Variants in DYRK1A observed in about 807,000 individuals in gnomAD.
The protein encoded by DYRK1A is dual specificity tyrosine phosphorylation regulated kinase 1A, also known as dual specificity tyrosine-phosphorylation-regulated kinase 1A.
A neutral mutation model predicts 79.7 loss-of-function variants in DYRK1A; 9 were observed. The observed-to-expected ratio is 0.11, with a 90% confidence interval of 0.07 to 0.20. DYRK1A has a LOEUF of 0.20. Among genes scored for constraint, DYRK1A ranks in the 10% least tolerant of loss-of-function variants. The probability of loss-of-function intolerance (pLI) is 1.00; values close to 1 mark genes in which losing one functional copy is unlikely to be tolerated. For synonymous variants in DYRK1A, 349 were observed against 329.7 expected, an observed-to-expected ratio of 1.06 and a Z score of -0.63; for missense variants, 622 against 956.0, an observed-to-expected ratio of 0.65 and a Z score of 4.61.
intron 1 of DYRK1A, among the ~76,000 whole-genome samples, chr21:37,407,244 A>C (rs1376796101): frequency 6.6e-6 from 1 of 152,200 alleles, no homozygotes; most frequent in Non-Finnish European, 1.5e-5. Context: ...TTTATGTTTT[A>C]TATACTGTAG....
At chr21:37,409,007 A>G in intron 1 of DYRK1A, among the ~76,000 whole-genome samples, 1 of 152,086 alleles carries the variant, frequency 6.6e-6, no homozygotes, top group East Asian at 1.9e-4. Flanking sequence ...TCATGTCTAT[A>G]GGTGTGTGGT....
chr21:37,483,560 G>A (rs1225714759), intron 5 of DYRK1A, among the ~76,000 whole-genome samples: 1 of 151,804 alleles, frequency 6.6e-6, no homozygotes, highest in Non-Finnish European at 1.5e-5. Context: ...TGCTTTGGGA[G>A]TCCTTTTTTT....
intron 9 of DYRK1A, among the ~76,000 whole-genome samples, chr21:37,501,170 T>G (rs1601303959): frequency 7.1e-6 from 1 of 141,136 alleles, no homozygotes; most frequent in East Asian, 2.0e-4. Flanking sequence ...TTGTTGGTTT[T>G]TTTTTTTTTT....
intron 1 of DYRK1A, among the ~76,000 whole-genome samples, chr21:37,411,790 C>G (rs374522369): frequency 2.0e-5 from 3 of 152,208 alleles, no homozygotes; most frequent in African/African-American, 7.2e-5. Context: ...CAGTTTCTCT[C>G]TTCTGAGATA....
At chr21:37,510,811 C>G (rs796220433) in intron 11 of DYRK1A, among the ~76,000 whole-genome samples, 19 of 152,102 alleles carry the variant, frequency 1.2e-4, no homozygotes, top group East Asian at 1.2e-3. Flanking sequence ...CTAGCAGTGA[C>G]ACAAGCTTTC....
At chr21:37,372,286 AAAC>A in intron 1 of DYRK1A, among the ~76,000 whole-genome samples, 2 of 102,960 alleles carry the variant, frequency 1.9e-5, no homozygotes, top group South Asian at 3.1e-4. Context: ...TCAAAAAACA[AAAC>A]AAAACAAAAA....
At chr21:37,463,232 G>GTGTGTGTGTGTGTGTGTGTGTA (rs1555973890) in intron 2 of DYRK1A, among the ~76,000 whole-genome samples, 1 of 147,500 alleles carries the variant, frequency 6.8e-6, no homozygotes, top group African/African-American at 2.5e-5. Flanking sequence ...GTGTGTGTGT[G>GTGTGTGTGTGTGTGTGTGTGTA]TATCCTGTAG....
chr21:37,496,254 A>G lies in DYRK1A; in HGVS notation c.1208A>G (p.Lys403Arg). ...AACTTAAAGAAGACCAAAGATGGAAAACGGGTAAAATAAGGATATATCTGT... is the reference window on the plus strand; with the variant it reads ...AACTTAAAGAAGACCAAAGATGGAAGACGGGTAAAATAAGGATATATCTGT... ...TWNLKKTKDG[K>R]REYKPPGTRK... Residue 403 changes from lysine (K) to arginine (R), a missense_variant, in exon 9 of 12, where the codon AAA (lysine) becomes AGA (arginine). Physicochemically the swap from Lys to Arg is conservative, Grantham distance 26 (BLOSUM62 2). Transcript: ENST00000647188. 1 of 1,612,144 alleles carries G rather than the reference A, an allele frequency of 6.2e-7. No homozygotes were observed. The highest frequency in any genetic ancestry group is 8.5e-7 in the Non-Finnish European group (1 of 1,179,462).
chr21:37,437,714 T>G (rs2050966782), intron 2 of DYRK1A, among the ~76,000 whole-genome samples: 1 of 152,208 alleles, frequency 6.6e-6, no homozygotes, highest in African/African-American at 2.4e-5. Flanking sequence ...CTGAGTAGTA[T>G]TTCATTGTGT....
chr21:37,464,355 T>C (rs1198615402), intron 2 of DYRK1A: 1 of 446,818 alleles, frequency 2.2e-6, no homozygotes, highest in South Asian at 1.7e-5. Flanking sequence ...GTAAGAAAGC[T>C]GCTTCATTTT....
chr21:37,453,795 AG>A (rs1555970857), intron 2 of DYRK1A, among the ~76,000 whole-genome samples: 2 of 152,214 alleles, frequency 1.3e-5, no homozygotes, highest in Non-Finnish European at 2.9e-5. Context: ...ACTTAACAAA[AG>A]AAAGGAAAAT....
At chr21:37,386,158 T>C (rs1267651517) in intron 1 of DYRK1A, among the ~76,000 whole-genome samples, 1 of 152,200 alleles carries the variant, frequency 6.6e-6, no homozygotes, top group Non-Finnish European at 1.5e-5. Context: ...GTTTCCACTC[T>C]TAGATTTTAT....
chr21:37,478,355 A>G (rs2052477409), intron 4 of DYRK1A, 55 bp downstream of exon 4: 9 of 1,549,284 alleles, frequency 5.8e-6, no homozygotes, highest in Non-Finnish European at 7.9e-6. Flanking sequence ...ATTGAGAAAA[A>G]AAGTGTGACC....
chr21:37,476,460 G>C (rs1326621943), intron 3 of DYRK1A, among the ~76,000 whole-genome samples: 2 of 152,160 alleles, frequency 1.3e-5, no homozygotes, highest in Non-Finnish European at 2.9e-5. Context: ...GCATTGCACT[G>C]ATTCAGATTT....
chr21:37,444,506 G>A (rs954210431), intron 2 of DYRK1A, among the ~76,000 whole-genome samples: 3 of 152,166 alleles, frequency 2.0e-5, no homozygotes, highest in African/African-American at 7.2e-5. Context: ...GACAATTTCA[G>A]AATTTGCCTC....
intron 1 of DYRK1A, among the ~76,000 whole-genome samples, chr21:37,369,804 T>A (rs1334258245): frequency 6.6e-6 from 1 of 152,242 alleles, no homozygotes; most frequent in Non-Finnish European, 1.5e-5. Context: ...TGTTTTGAGA[T>A]CTAAGTATAA....
chr21:37,376,531 C>T (rs1192442248), intron 1 of DYRK1A, among the ~76,000 whole-genome samples: 2 of 151,942 alleles, frequency 1.3e-5, no homozygotes, highest in Admixed American at 6.6e-5. Context: ...GAAATATCAC[C>T]TTGTGGTATG....
At chr21:37,370,369 T>C (rs1421875574) in intron 1 of DYRK1A, among the ~76,000 whole-genome samples, 1 of 152,000 alleles carries the variant, frequency 6.6e-6, no homozygotes, top group Non-Finnish European at 1.5e-5. Context: ...GGTTGACAAG[T>C]ATCTAGTTAT....
chr21:37,442,916 C>T (rs1211776817), intron 2 of DYRK1A, among the ~76,000 whole-genome samples: 1 of 152,102 alleles, frequency 6.6e-6, no homozygotes, highest in Non-Finnish European at 1.5e-5. Flanking sequence ...CTCACTGGGG[C>T]CTCATACTCC....
Sources: allele counts gnomAD v4.1 joint callset (sites outside exome capture counted in the v4.1 genomes callset), GRCh38; gene constraint gnomAD v4.1.1; transcripts MANE v1.5; gene names NCBI Gene and HGNC (gene_info 2026-07-23, HGNC 2026-07-21).